The following LIPA variants were observed in gnomAD, a reference collection of about 807,000 sequenced individuals.
LIPA encodes lipase A, lysosomal acid type, also known as lysosomal acid lipase/cholesteryl ester hydrolase.
Under a neutral mutation model 40.6 loss-of-function variants are expected in LIPA, and 26 were observed. The observed-to-expected ratio is 0.64, with a 90% CI of 0.47 to 0.89. LIPA has a LOEUF of 0.89. Ranked by LOEUF, LIPA falls within the 40% of genes least tolerant of loss-of-function variation. The pLI, the probability that LIPA is intolerant of heterozygous loss-of-function variation, is 0.00. For synonymous variants in LIPA, 188 were observed against 168.4 expected, an observed-to-expected ratio of 1.12 and a Z score of -0.90; for missense variants, 455 against 479.6, an observed-to-expected ratio of 0.95 and a Z score of 0.48.
At chr10:89,274,707 A>T (rs1843281354) in intron 1 of LIPA, among the ~76,000 whole-genome samples, 1 of 152,166 alleles carries the variant, frequency 6.6e-6, no homozygotes, top group Admixed American at 6.5e-5. Flanking sequence ...GAACAATGAC[A>T]AGAGACTAGG....
intron 2 of LIPA, chr10:89,402,867 C>T (rs1282726587): frequency 6.2e-7 from 1 of 1,614,064 alleles, no homozygotes; most frequent in African/African-American, 1.3e-5. Context: ...CACAAAAAAT[C>T]ACAAGCCATT....
At chr10:89,322,326 G>C (rs2133533243) in intron 1 of LIPA, among the ~76,000 whole-genome samples, 1 of 152,284 alleles carries the variant, frequency 6.6e-6, no homozygotes, top group African/African-American at 2.4e-5. Flanking sequence ...CATTGACCCT[G>C]CAGGCCAATC....
intron 1 of LIPA, among the ~76,000 whole-genome samples, chr10:89,312,218 ATTGT>A (rs778156335): frequency 1.3e-5 from 2 of 152,294 alleles, no homozygotes; most frequent in African/African-American, 2.4e-5. Flanking sequence ...AGGTGAGCGG[ATTGT>A]TTGAGCCCAG....
At chr10:89,406,775 C>T (rs541626705) in intron 2 of LIPA, among the ~76,000 whole-genome samples, 10 of 152,220 alleles carry the variant, frequency 6.6e-5, no homozygotes, top group South Asian at 4.1e-4. Context: ...TGTGAGGGTC[C>T]GCAGCTTCAT....
Position 89,384,529 on chromosome 10 carries a change from T to C in LIPA, c.61+28262A>G, listed in dbSNP as rs1285086298. The C allele has an allele frequency of 3.7e-6, 6 of 1,613,944 alleles. No homozygotes were observed. The African/African-American group carries it at 5.3e-5, about 14-fold the overall frequency. ...AGCAATTACCCATTATTTAAAAGGT[T>C]TGAAAATAGAAAAAATGTCCCATTC... On this transcript the variant is annotated intron_variant, in intron 2 of 8. Transcript: ENST00000371837.
intron 1 of LIPA, among the ~76,000 whole-genome samples, chr10:89,299,282 A>G (rs1049949302): frequency 4.6e-5 from 7 of 152,046 alleles, no homozygotes; most frequent in Non-Finnish European, 5.9e-5. Context: ...GTCTTTTGAA[A>G]TAATCCAATA....
intron 2 of LIPA, among the ~76,000 whole-genome samples, chr10:89,391,777 C>T (rs1002160516): frequency 2.6e-5 from 4 of 152,178 alleles, no homozygotes; most frequent in African/African-American, 4.8e-5. Flanking sequence ...ATCCGCCCAC[C>T]TTGGCCTCCC....
At position 89,383,711 on chromosome 10, in the gene LIPA, G is replaced by A. The variant is rs148517080; in HGVS notation, c.61+29080C>T. ...TGCAAGAAGTTTGCAAATCCTTCCC[G>A]CTATAGAATGGAGTGTCCAGAGGTG... On this transcript the variant is annotated intron_variant, in intron 2 of 8. Transcript: ENST00000371837. 3.6e-4 allele frequency: 584 copies of A among 1,614,182 alleles called. 3 individuals are homozygous for A. The African/African-American group carries it at 7.0e-3, about 19-fold the overall frequency.
chr10:89,325,998 A>G (rs1394160281), intron 1 of LIPA, among the ~76,000 whole-genome samples: 1 of 152,240 alleles, frequency 6.6e-6, no homozygotes. Flanking sequence ...GGGAATGTAA[A>G]CTATTATAAC....
At chr10:89,216,973 T>A (rs971045712) in intron 8 of LIPA, among the ~76,000 whole-genome samples, 1 of 152,212 alleles carries the variant, frequency 6.6e-6, no homozygotes, top group African/African-American at 2.4e-5. Context: ...AAATTGAAAT[T>A]GTATTGAAAT....
chr10:89,215,975 C>G lies in LIPA; in HGVS notation c.929G>C (p.Trp310Ser). 1 of 1,612,492 alleles carries G rather than the reference C, an allele frequency of 6.2e-7. No individual in the cohort carries two copies. Among genetic ancestry groups the G allele is most frequent in the Non-Finnish European group, 8.5e-7 (1 of 1,178,520 alleles). The change falls in exon 9 of 10, where the codon TGG (tryptophan) becomes TCG (serine). Residue 310 changes from tryptophan (W) to serine (S), a missense_variant. Coordinates refer to ENST00000336233, the MANE Select transcript of LIPA (RefSeq NM_000235.4). ...AAAATAATTCTTGGCACTGCTTCCC[C>G]AGTCAAAGGCTTGAAACTTTTGGAA... ...VKFQKFQAFD[W>S]GSSAKNYFHY...
At chr10:89,290,132 A>G (rs1160028455) in intron 1 of LIPA, among the ~76,000 whole-genome samples, 1 of 152,168 alleles carries the variant, frequency 6.6e-6, no homozygotes, top group African/African-American at 2.4e-5. Flanking sequence ...AAGTAATTAC[A>G]CTAAACCCTC....
intron 2 of LIPA, among the ~76,000 whole-genome samples, chr10:89,348,321 G>A (rs953210831): frequency 1.3e-5 from 2 of 149,812 alleles, no homozygotes; most frequent in African/African-American, 5.1e-5. Context: ...TTTCCATTGC[G>A]ACAAAGTCAG....
At chr10:89,306,470 C>T (rs1327438797) in intron 1 of LIPA, 1 of 1,614,046 alleles carries the variant, frequency 6.2e-7, no homozygotes, top group African/African-American at 1.3e-5. Flanking sequence ...GCCAAAGAAC[C>T]CAGAATTCAC....
At chr10:89,250,850 A>AG (rs1286902704) in intron 1 of LIPA, among the ~76,000 whole-genome samples, 3 of 151,972 alleles carry the variant, frequency 2.0e-5, no homozygotes, top group Non-Finnish European at 4.4e-5. Flanking sequence ...ATCTCGAAGG[A>AG]GGGGGGAAAA....
At chr10:89,227,700 AC>A (rs900413454) in intron 4 of LIPA, among the ~76,000 whole-genome samples, 4 of 152,232 alleles carry the variant, frequency 2.6e-5, no homozygotes, top group Admixed American at 2.6e-4. Context: ...CCTTCTCTGC[AC>A]CCTCTCCTTT....
chr10:89,333,309 A>C (rs182207587), intron 1 of LIPA, among the ~76,000 whole-genome samples: 2 of 152,338 alleles, frequency 1.3e-5, no homozygotes, highest in South Asian at 4.1e-4. Flanking sequence ...TAGGTCCTGC[A>C]TTCTGAAATC....
At chr10:89,360,447 G>A (rs1306704128) in intron 2 of LIPA, among the ~76,000 whole-genome samples, 1 of 152,212 alleles carries the variant, frequency 6.6e-6, no homozygotes, top group Non-Finnish European at 1.5e-5. Flanking sequence ...ACCAAGATAA[G>A]TGTCCTGGCA....
intron 1 of LIPA, among the ~76,000 whole-genome samples, chr10:89,251,503 AG>A: frequency 7.0e-6 from 1 of 142,518 alleles, no homozygotes; most frequent in Non-Finnish European, 1.5e-5. Flanking sequence ...CAGGGAAGAG[AG>A]TGGGCTTCTC....
Sources: allele counts gnomAD v4.1 joint callset (sites outside exome capture counted in the v4.1 genomes callset), GRCh38; gene constraint gnomAD v4.1.1; transcripts MANE v1.5; gene names NCBI Gene and HGNC (gene_info 2026-07-23, HGNC 2026-07-21).